The following DLC1 variants were observed in gnomAD, a reference collection of about 807,000 sequenced individuals.
The protein encoded by DLC1 is rho GTPase-activating protein 7.
Under a neutral mutation model 140.3 loss-of-function variants are expected in DLC1, and 54 were observed. That is an observed-to-expected ratio of 0.38 (90% CI 0.31 to 0.48). DLC1 has a LOEUF of 0.48. Among genes scored for constraint, DLC1 ranks in the 20% least tolerant of loss-of-function variants. The probability of loss-of-function intolerance (pLI) is 0.96; values close to 1 mark genes in which losing one functional copy is unlikely to be tolerated. For missense variants in DLC1, 2,536 were observed against 1,907.0 expected (o/e 1.33, Z -6.14); for synonymous variants, 986 against 728.1 (o/e 1.35, Z -5.70).
At chr8:13,392,093 G>C (rs1836788841) in intron 4 of DLC1, among the ~76,000 whole-genome samples, 1 of 152,110 alleles carries the variant, frequency 6.6e-6, no homozygotes, top group African/African-American at 2.4e-5. Context: ...CCATTTCAGT[G>C]TACCTGTTGG....
At chr8:13,561,756 T>A (rs1434721385) in intron 1 of DLC1, among the ~76,000 whole-genome samples, 1 of 152,194 alleles carries the variant, frequency 6.6e-6, no homozygotes, top group South Asian at 2.1e-4. Flanking sequence ...ATTACAGAAC[T>A]ATGATAAATT....
intron 5 of DLC1, among the ~76,000 whole-genome samples, chr8:13,299,714 G>A (rs568234550): frequency 1.1e-4 from 16 of 152,108 alleles, no homozygotes; most frequent in African/African-American, 3.9e-4. Flanking sequence ...ACAAATGCAC[G>A]TTAGGCACAT....
intron 2 of DLC1, among the ~76,000 whole-genome samples, chr8:13,443,350 A>C (rs1352369874): frequency 6.6e-6 from 1 of 150,966 alleles, no homozygotes; most frequent in Non-Finnish European, 1.5e-5. Context: ...ACTTAAAAAA[A>C]AAAAAAAAAA....
chr8:13,092,550 G>T (rs1244391766), intron 13 of DLC1, 62 bp downstream of exon 13: 2 of 1,549,608 alleles, frequency 1.3e-6, no homozygotes, highest in Non-Finnish European at 1.8e-6. Context: ...CACAGCTACG[G>T]AGAGTCCTAG....
intron 5 of DLC1, among the ~76,000 whole-genome samples, chr8:13,132,389 GA>G (rs1409749789): frequency 6.6e-6 from 1 of 151,782 alleles, no homozygotes; most frequent in Non-Finnish European, 1.5e-5. Flanking sequence ...AAAAATGGTT[GA>G]AAAGGAAAAC....
At chr8:13,162,530 C>T (rs1326508165) in intron 5 of DLC1, among the ~76,000 whole-genome samples, 1 of 152,150 alleles carries the variant, frequency 6.6e-6, no homozygotes, top group African/African-American at 2.4e-5. Context: ...ACCATGTTGG[C>T]CAGGCTGGTC....
At chr8:13,449,858 A>T (rs1798961057) in intron 2 of DLC1, among the ~76,000 whole-genome samples, 1 of 152,148 alleles carries the variant, frequency 6.6e-6, no homozygotes, top group Admixed American at 6.5e-5. Flanking sequence ...TCTTGGTGGC[A>T]GGCTGTGATG....
At chr8:13,404,506 A>G (rs576359172) in intron 2 of DLC1, among the ~76,000 whole-genome samples, 3 of 152,196 alleles carry the variant, frequency 2.0e-5, no homozygotes, top group Non-Finnish European at 4.4e-5. Flanking sequence ...AGTTACATAT[A>G]TAGTTATAAT....
intron 5 of DLC1, among the ~76,000 whole-genome samples, chr8:13,289,188 A>G (rs1308224623): frequency 1.3e-5 from 2 of 151,944 alleles, no homozygotes; most frequent in East Asian, 3.9e-4. Flanking sequence ...TCATAGAGTT[A>G]GAATTCCTTT....
At chr8:13,483,337 C>A (rs1800824500) in intron 2 of DLC1, among the ~76,000 whole-genome samples, 1 of 152,150 alleles carries the variant, frequency 6.6e-6, no homozygotes, top group Non-Finnish European at 1.5e-5. Context: ...CCAGGGGTTA[C>A]AATGTGCATG....
intron 5 of DLC1, among the ~76,000 whole-genome samples, chr8:13,224,170 A>G (rs1452033933): frequency 6.6e-6 from 1 of 152,222 alleles, no homozygotes; most frequent in African/African-American, 2.4e-5. Context: ...ATAACTATTG[A>G]TTTACCCACA....
chr8:13,277,116 C>A (rs183207273), intron 5 of DLC1, among the ~76,000 whole-genome samples: 66 of 152,176 alleles, frequency 4.3e-4, no homozygotes, highest in African/African-American at 1.5e-3. Flanking sequence ...AGGCCAGGAG[C>A]TTGAGAACAG....
At chr8:13,266,051 A>G (rs1325730904) in intron 5 of DLC1, among the ~76,000 whole-genome samples, 3 of 152,214 alleles carry the variant, frequency 2.0e-5, no homozygotes, top group Non-Finnish European at 2.9e-5. Flanking sequence ...TAAGTCATCA[A>G]TTTATACACA....
intron 4 of DLC1, among the ~76,000 whole-genome samples, chr8:13,358,596 C>T (rs1211448632): frequency 6.6e-6 from 1 of 151,736 alleles, no homozygotes; most frequent in East Asian, 1.9e-4. Flanking sequence ...AATATTTTCC[C>T]ATTTTATCTA....
At chr8:13,297,295 A>AAAAAAAAAAAAAAAAC (rs1260796376) in intron 5 of DLC1, among the ~76,000 whole-genome samples, 1 of 146,112 alleles carries the variant, frequency 6.8e-6, no homozygotes, top group African/African-American at 2.5e-5. Flanking sequence ...AAAAAAAAAA[A>AAAAAAAAAAAAAAAAC]ACTGAAGCAA....
At chr8:13,246,077 G>A (rs1490520860) in intron 5 of DLC1, among the ~76,000 whole-genome samples, 1 of 152,128 alleles carries the variant, frequency 6.6e-6, no homozygotes, top group Non-Finnish European at 1.5e-5. Context: ...GAACCAGGGT[G>A]GTGGTCCTGA....
chr8:13,424,538 T>G (rs1161756061), intron 2 of DLC1, among the ~76,000 whole-genome samples: 1 of 152,104 alleles, frequency 6.6e-6, no homozygotes, highest in African/African-American at 2.4e-5. Context: ...AGTATTTGCC[T>G]TAAGATCTTC....
intron 12 of DLC1, among the ~76,000 whole-genome samples, chr8:13,094,264 C>G (rs909770752): frequency 7.2e-5 from 11 of 152,196 alleles, no homozygotes; most frequent in African/African-American, 2.7e-4. Flanking sequence ...AATTTATTTT[C>G]ACATCATTCA....
At chr8:13,591,920 C>T (rs148141453) in intron 1 of DLC1, among the ~76,000 whole-genome samples, 2 of 152,144 alleles carry the variant, frequency 1.3e-5, no homozygotes, top group East Asian at 1.9e-4. Context: ...TTGACCTTGT[C>T]GAGTTCAGTG....
Sources: allele counts gnomAD v4.1 joint callset (sites outside exome capture counted in the v4.1 genomes callset), GRCh38; gene constraint gnomAD v4.1.1; transcripts MANE v1.5; gene names NCBI Gene and HGNC (gene_info 2026-07-23, HGNC 2026-07-21).